POU2AF2: variants seen among roughly 807,000 people sequenced by gnomAD.
The protein encoded by POU2AF2 is POU class 2 homeobox associating factor 2.
chr11:111,276,453 A>AAAATATAGATAGATATATAT, the POU2AF2 span, among the ~76,000 whole-genome samples: 1 of 37,692 alleles, frequency 2.7e-5, no homozygotes, highest in Non-Finnish European at 5.0e-5. Context: ...AAAAAAAAAA[A>AAAATATAGATAGATATATAT]ATATATATAT....
the POU2AF2 span, among the ~76,000 whole-genome samples, chr11:111,254,080 T>A: frequency 6.6e-6 from 1 of 152,252 alleles, no homozygotes; most frequent in Non-Finnish European, 1.5e-5. Context: ...ATAGCCATGT[T>A]CTTTTGTATC....
At chr11:111,250,425 C>A in the POU2AF2 span, among the ~76,000 whole-genome samples, 5 of 152,106 alleles carry the variant, frequency 3.3e-5, no homozygotes, top group Non-Finnish European at 5.9e-5. Context: ...ATTTTTGCAG[C>A]CAAGTTTTTA....
the POU2AF2 span, among the ~76,000 whole-genome samples, chr11:111,280,438 C>T: frequency 2.0e-5 from 3 of 152,092 alleles, no homozygotes; most frequent in Admixed American, 6.5e-5. Flanking sequence ...ATACTAAATG[C>T]GAAATTCCAG....
At chr11:111,285,955 T>C in the POU2AF2 span, 6 of 1,613,922 alleles carry the variant, frequency 3.7e-6, no homozygotes, top group South Asian at 5.5e-5. Flanking sequence ...TCTCCCCAGA[T>C]GAGGAAGCAG....
chr11:111,263,189 C>A, the POU2AF2 span, among the ~76,000 whole-genome samples: 2 of 152,142 alleles, frequency 1.3e-5, no homozygotes, highest in African/African-American at 4.8e-5. Flanking sequence ...CCAGTATTCA[C>A]TTTTAAGACT....
At chr11:111,280,431 C>T in the POU2AF2 span, among the ~76,000 whole-genome samples, 1 of 152,126 alleles carries the variant, frequency 6.6e-6, no homozygotes, top group African/African-American at 2.4e-5. Flanking sequence ...TCTGAACATA[C>T]TAAATGCGAA....
the POU2AF2 span, among the ~76,000 whole-genome samples, chr11:111,252,025 T>C: frequency 1.3e-5 from 2 of 152,252 alleles, no homozygotes; most frequent in Non-Finnish European, 2.9e-5. Flanking sequence ...GGCATACACA[T>C]AAAGTATAGA....
At chr11:111,282,509 A>G in the POU2AF2 span, among the ~76,000 whole-genome samples, 1 of 152,250 alleles carries the variant, frequency 6.6e-6, no homozygotes, top group African/African-American at 2.4e-5. Flanking sequence ...TTCTGGATGA[A>G]TAAATTCACA....
At chr11:111,277,460 C>G in the POU2AF2 span, among the ~76,000 whole-genome samples, 1 of 151,630 alleles carries the variant, frequency 6.6e-6, no homozygotes, top group African/African-American at 2.4e-5. Flanking sequence ...AGGAGAAAGA[C>G]AGAAAAACTT....
the POU2AF2 span, chr11:111,285,551 GA>G: frequency 2.4e-6 from 3 of 1,270,444 alleles, no homozygotes; most frequent in Non-Finnish European, 3.2e-6. Context: ...GCAGCAGAGA[GA>G]GGGGACGAAG....
chr11:111,261,170 T>A, the POU2AF2 span, among the ~76,000 whole-genome samples: 12 of 152,182 alleles, frequency 7.9e-5, no homozygotes, highest in Admixed American at 7.9e-4. Context: ...CTTTTTTCTT[T>A]CTTGAATTTT....
the POU2AF2 span, among the ~76,000 whole-genome samples, chr11:111,279,367 A>G: frequency 2.0e-5 from 3 of 152,214 alleles, no homozygotes; most frequent in Non-Finnish European, 2.9e-5. Context: ...AAATGGGATG[A>G]CTTACAGCAA....
At chr11:111,278,368 G>A in the POU2AF2 span, among the ~76,000 whole-genome samples, 4 of 152,194 alleles carry the variant, frequency 2.6e-5, no homozygotes, top group Non-Finnish European at 4.4e-5. Flanking sequence ...TCGAACTCGA[G>A]GTTGATATTA....
chr11:111,251,311 G>A, the POU2AF2 span, among the ~76,000 whole-genome samples: 1 of 152,132 alleles, frequency 6.6e-6, no homozygotes, highest in Admixed American at 6.5e-5. Context: ...ACAGCTTCAG[G>A]ACTCAGTCAC....
chr11:111,286,042 C>A, the POU2AF2 span: 3 of 1,611,382 alleles, frequency 1.9e-6, no homozygotes, highest in Non-Finnish European at 2.5e-6. Flanking sequence ...ATGAATGCCG[C>A]AGAGCTTATT....
At chr11:111,284,091 C>G in the POU2AF2 span, 4 of 1,613,718 alleles carry the variant, frequency 2.5e-6, no homozygotes, top group Non-Finnish European at 3.4e-6. Context: ...CCGGTCACGT[C>G]AGGTTACTAC....
At chr11:111,267,262 A>G in the POU2AF2 span, among the ~76,000 whole-genome samples, 2 of 152,254 alleles carry the variant, frequency 1.3e-5, no homozygotes, top group South Asian at 4.2e-4. Flanking sequence ...GAATATATGG[A>G]GAACACTGAA....
the POU2AF2 span, among the ~76,000 whole-genome samples, chr11:111,267,789 T>C: frequency 6.6e-6 from 1 of 152,184 alleles, no homozygotes; most frequent in African/African-American, 2.4e-5. Context: ...GAGCCTTACA[T>C]ATATTCTCAA....
the POU2AF2 span, among the ~76,000 whole-genome samples, chr11:111,271,576 CATGCTCAGTTAATTTATTTT>C: frequency 1.3e-5 from 2 of 152,064 alleles, no homozygotes; most frequent in African/African-American, 4.8e-5. Context: ...CATGTGCCAC[CATGCTCAGTTAATTTATTTT>C]ATTTTTTGTG....
Sources: gnomAD v4.1 joint callset for allele counts (sites outside exome capture counted in the v4.1 genomes callset) on GRCh38, gnomAD v4.1.1 for gene constraint, MANE v1.5 for transcripts, NCBI Gene and HGNC (gene_info 2026-07-23, HGNC 2026-07-21) for gene names.